RICTOR: variants seen among roughly 807,000 people sequenced by gnomAD.
RICTOR encodes rapamycin-insensitive companion of mTOR.
In RICTOR, 49 loss-of-function variants were observed where a neutral mutation model predicts 214.9. The observed-to-expected ratio is 0.23, with a 90% confidence interval of 0.18 to 0.29. The LOEUF is 0.29. Among genes scored for constraint, RICTOR ranks in the 10% least tolerant of loss-of-function variants. The pLI, the probability that RICTOR is intolerant of heterozygous loss-of-function variation, is 1.00. For synonymous variants in RICTOR, 717 were observed against 711.3 expected, an observed-to-expected ratio of 1.01 and a Z score of -0.13; for missense variants, 1,625 against 2,047.0, an observed-to-expected ratio of 0.79 and a Z score of 3.98.
At chr5:38,980,276 C>CT (rs1482904623) in intron 8 of RICTOR, among the ~76,000 whole-genome samples, 4 of 151,968 alleles carry the variant, frequency 2.6e-5, no homozygotes, top group Admixed American at 2.6e-4. Context: ...ACAGTCATGT[C>CT]TTTTTACGTG....
chr5:38,968,067 T>A, intron 11 of RICTOR, 37 bp from the exon 12 acceptor site: 1 of 1,169,428 alleles, frequency 8.6e-7, no homozygotes, highest in South Asian at 1.2e-5. Context: ...TTTATTTTTA[T>A]GAAACACTTT....
chr5:38,960,052 G>T, intron 20 of RICTOR, 74 bp from the exon 21 acceptor site: 1 of 1,041,888 alleles, frequency 9.6e-7, no homozygotes, highest in Non-Finnish European at 1.5e-6. Flanking sequence ...CTTCAATCAA[G>T]TACAAAAACT....
At position 39,008,185 on chromosome 5, in the gene RICTOR, A is replaced by T. The variant is rs530214811; in HGVS notation, c.196-4563T>A. 6.0e-5 allele frequency among the ~76,000 whole-genome samples: 9 copies of T among 151,180 alleles called. No individual in the cohort carries two copies. The East Asian group carries it at 7.7e-4, about 13-fold the overall frequency. On this transcript the variant is annotated intron_variant, in intron 3 of 37. Transcript: ENST00000357387. ...GACATATTTCTTAAAAACACACTTT[A>T]AAAAAAAAGGATATACATCAAAATT... is the stretch of plus-strand genomic sequence containing the variant.
At position 38,950,674 on chromosome 5, in the gene RICTOR, G is replaced by A. The variant is rs2115949; in HGVS notation, c.3174C>T (p.Ser1058=). 0.97 allele frequency: 1,568,968 copies of A among 1,610,646 alleles called. 764,672 individuals are homozygous for A. The highest frequency in any genetic ancestry group is 0.99 in the East Asian group (44,421 of 44,830). ...CTTCATTGATATCAAGGAAAAATGTGCTAGTAGAGCTGCTGCCAAACCGGT... is the reference window on the plus strand; with the variant it reads ...CTTCATTGATATCAAGGAAAAATGTACTAGTAGAGCTGCTGCCAAACCGGT... ...EDDRFGSSST[S]TFFLDINEDT... The change falls in exon 31 of 38, where the codon AGC becomes AGT. Residue 1058 remains serine, a synonymous_variant. Transcript: ENST00000357387.
chr5:39,019,437 A>G (rs886558398), intron 3 of RICTOR, among the ~76,000 whole-genome samples: 3 of 152,152 alleles, frequency 2.0e-5, no homozygotes, highest in Non-Finnish European at 4.4e-5. Flanking sequence ...ATTGAACCCA[A>G]TGATCATTTA....
intron 7 of RICTOR, among the ~76,000 whole-genome samples, chr5:38,989,419 A>G (rs778336193): frequency 5.3e-5 from 8 of 152,224 alleles, no homozygotes; most frequent in Non-Finnish European, 7.3e-5. Context: ...AACCTAGGCA[A>G]TATCACTCAG....
chr5:39,028,951 A>G (rs1191276576), intron 2 of RICTOR, among the ~76,000 whole-genome samples: 1 of 152,194 alleles, frequency 6.6e-6, no homozygotes, highest in Non-Finnish European at 1.5e-5. Context: ...TACATACAAC[A>G]TAGATGAATT....
At chr5:39,004,939 G>A (rs1228888965) in intron 3 of RICTOR, among the ~76,000 whole-genome samples, 3 of 151,848 alleles carry the variant, frequency 2.0e-5, no homozygotes, top group Non-Finnish European at 2.9e-5. Flanking sequence ...GTGCCACCAC[G>A]CCCAGCTAAT....
At chr5:39,024,740 G>A (rs1051532217) in intron 2 of RICTOR, among the ~76,000 whole-genome samples, 10 of 152,298 alleles carry the variant, frequency 6.6e-5, no homozygotes, top group Non-Finnish European at 1.2e-4. Flanking sequence ...TAATAGTTAC[G>A]ATGATTAGTC....
chr5:38,955,318 A>G (rs1000034056), intron 26 of RICTOR, among the ~76,000 whole-genome samples: 1 of 151,968 alleles, frequency 6.6e-6, no homozygotes, highest in African/African-American at 2.4e-5. Context: ...ATTTTGGATA[A>G]GTGATGTTCA....
intron 2 of RICTOR, among the ~76,000 whole-genome samples, chr5:39,041,579 C>T (rs971638428): frequency 2.0e-5 from 3 of 151,910 alleles, no homozygotes; most frequent in East Asian, 1.9e-4. Context: ...AACTTAATAA[C>T]GGCTTAGAGA....
chr5:39,060,425 C>T (rs911431424), intron 2 of RICTOR, among the ~76,000 whole-genome samples: 1 of 151,836 alleles, frequency 6.6e-6, no homozygotes, highest in African/African-American at 2.4e-5. Flanking sequence ...TTAAAGGACT[C>T]CTAAATATAG....
intron 11 of RICTOR, among the ~76,000 whole-genome samples, chr5:38,968,940 C>G (rs1253503491): frequency 1.3e-5 from 2 of 148,480 alleles, no homozygotes; most frequent in African/African-American, 5.0e-5. Context: ...TAGGCCTAGG[C>G]TAGTGTGTGT....
At chr5:39,009,954 A>G (rs2076622171) in intron 3 of RICTOR, among the ~76,000 whole-genome samples, 1 of 152,174 alleles carries the variant, frequency 6.6e-6, no homozygotes, top group Non-Finnish European at 1.5e-5. Flanking sequence ...CAAACCCTAA[A>G]GTACACATTA....
chr5:38,946,332 A>G, intron 33 of RICTOR, 136 bp downstream of exon 33: 2 of 618,892 alleles, frequency 3.2e-6, no homozygotes, highest in Non-Finnish European at 2.9e-6. Context: ...GACTTTAACA[A>G]TTGTTTTGGT....
At chr5:39,057,162 A>G (rs1415216664) in intron 2 of RICTOR, among the ~76,000 whole-genome samples, 1 of 152,176 alleles carries the variant, frequency 6.6e-6, no homozygotes, top group Non-Finnish European at 1.5e-5. Context: ...TCATCCTTGA[A>G]GGACAAACCA....
chr5:38,959,365 T>C (rs1209664785), intron 21 of RICTOR, 44 bp from the exon 22 acceptor site: 2 of 1,066,674 alleles, frequency 1.9e-6, no homozygotes, highest in Non-Finnish European at 2.7e-6. Flanking sequence ...GAAATTACTA[T>C]ATTGATACAT....
rs371767496 is a variant in RICTOR at position 39,041,092 on chromosome 5, G to C, written c.98-19956C>G. Among the ~76,000 whole-genome samples the C allele has an allele frequency of 3.2e-3, 493 of 152,292 alleles. 10 individuals carry two copies. The South Asian group carries it at 0.043, about 13-fold the overall frequency. On this transcript the variant is annotated intron_variant, in intron 2 of 37. Transcript: ENST00000357387. ...CTGGCACAATGCCAGGCACATGGTG[G>C]GTTGTCAATAAACAGTGGTTAAAAG...
chr5:39,002,785 C>T, intron 4 of RICTOR, 119 bp from the exon 5 acceptor site: 1 of 930,546 alleles, frequency 1.1e-6, no homozygotes, highest in Non-Finnish European at 1.6e-6. Context: ...GCACAGAATT[C>T]TAAGAGCATT....
Sources: allele counts gnomAD v4.1 joint callset (sites outside exome capture counted in the v4.1 genomes callset), GRCh38; gene constraint gnomAD v4.1.1; transcripts MANE v1.5; gene names NCBI Gene and HGNC (gene_info 2026-07-23, HGNC 2026-07-21).